ARID2: variants seen among roughly 807,000 people sequenced by gnomAD.
ARID2 encodes AT-rich interactive domain-containing protein 2.
A neutral mutation model predicts 184.6 loss-of-function variants in ARID2; 32 were observed. The ratio of observed to expected loss-of-function variants is 0.17; its 90% CI spans 0.13 to 0.23. The LOEUF (loss-of-function observed/expected upper bound fraction) is 0.23, where lower values mean the gene tolerates loss of function less well. Ranked by LOEUF, ARID2 falls within the 10% of genes least tolerant of loss-of-function variation. The probability of loss-of-function intolerance (pLI) is 1.00; values close to 1 mark genes in which losing one functional copy is unlikely to be tolerated. For synonymous variants in ARID2, 836 were observed against 772.6 expected, an observed-to-expected ratio of 1.08 and a Z score of -1.36; for missense variants, 1,696 against 2,197.6, an observed-to-expected ratio of 0.77 and a Z score of 4.56.
chr12:45,847,866 A>C (rs2138152336), intron 12 of ARID2, among the ~76,000 whole-genome samples: 1 of 152,080 alleles, frequency 6.6e-6, no homozygotes, highest in East Asian at 1.9e-4. Context: ...GGCCCCTTAC[A>C]CTTGAATCTT....
At chr12:45,828,813 T>G (rs1240873901) in intron 6 of ARID2, among the ~76,000 whole-genome samples, 2 of 151,546 alleles carry the variant, frequency 1.3e-5, no homozygotes, top group African/African-American at 2.4e-5. Flanking sequence ...TTGTAAGAGT[T>G]TTTTTTCTAT....
Position 45,799,118 on chromosome 12 carries a change from T to G in ARID2, c.285-12300T>G, listed in dbSNP as rs558770306. ...TTTTTAAAAAAGTATTTTATTATTCTTATTGTTTGTCTCTCCCCATGAGAC... is the reference window on the plus strand; with the variant it reads ...TTTTTAAAAAAGTATTTTATTATTCGTATTGTTTGTCTCTCCCCATGAGAC... On this transcript the variant is annotated intron_variant, in intron 3 of 20. Transcript: ENST00000334344. Among the ~76,000 whole-genome samples, 6 of 152,228 alleles carry G rather than the reference T, an allele frequency of 3.9e-5. No homozygotes were observed. In the East Asian group the frequency reaches 9.6e-4, roughly 24 times the overall value.
At chr12:45,849,540 A>AT (rs1275122030) in intron 13 of ARID2, 40 bp from the exon 14 acceptor site, 1 of 1,505,568 alleles carries the variant, frequency 6.6e-7, no homozygotes, top group African/African-American at 1.4e-5. Flanking sequence ...AGTCAATGTG[A>AT]TAGTTATCAA....
rs2138160708 is a variant in ARID2 at position 45,850,305 on chromosome 12, G to A, written c.2182G>A (p.Val728Ile). The A allele has an allele frequency of 1.2e-6, 2 of 1,614,108 alleles. No individual in the cohort carries two copies. Among genetic ancestry groups the A allele is most frequent in the Non-Finnish European group, 1.7e-6 (2 of 1,179,994 alleles). Reference sequence around the variant, plus strand: ...CCAGAATTCCATACCCCAGACAGGAGTTCCTGTTAGTATTGCTGTTGGAGG... The same window carrying A: ...CCAGAATTCCATACCCCAGACAGGAATTCCTGTTAGTATTGCTGTTGGAGG... Reference protein sequence around the residue: ...VIQNSIPQTGVPVSIAVGGGP... With the variant: ...VIQNSIPQTGIPVSIAVGGGP... Residue 728 changes from valine to isoleucine, a missense_variant, in exon 15 of 21, where the codon GTT becomes ATT. Transcript: ENST00000334344.
At chr12:45,839,003 C>CTTG (rs1943278779) in intron 10 of ARID2, among the ~76,000 whole-genome samples, 1 of 151,050 alleles carries the variant, frequency 6.6e-6, no homozygotes, top group Admixed American at 6.6e-5. Context: ...GTAGCTGGGA[C>CTTG]TACAGGCACC....
chr12:45,761,512 C>T (rs1941678164), intron 3 of ARID2, among the ~76,000 whole-genome samples: 1 of 152,066 alleles, frequency 6.6e-6, no homozygotes, highest in South Asian at 2.1e-4. Flanking sequence ...ATTTGTTTTT[C>T]TACCTCAATA....
At chr12:45,855,846 C>G (rs1943637702) in intron 15 of ARID2, among the ~76,000 whole-genome samples, 3 of 151,776 alleles carry the variant, frequency 2.0e-5, no homozygotes, top group Admixed American at 1.3e-4. Flanking sequence ...CCTCCCAAGA[C>G]TGTAGCTGGG....
intron 3 of ARID2, among the ~76,000 whole-genome samples, chr12:45,749,747 G>A (rs1437363141): frequency 6.6e-6 from 1 of 152,210 alleles, no homozygotes; most frequent in Admixed American, 6.5e-5. Context: ...TTTATGTTAT[G>A]AAGATAACGT....
At chr12:45,879,812 A>G (rs1485284816) in intron 16 of ARID2, among the ~76,000 whole-genome samples, 4 of 152,238 alleles carry the variant, frequency 2.6e-5, no homozygotes, top group Non-Finnish European at 4.4e-5. Flanking sequence ...CTTGAAATGT[A>G]TAAATAATGT....
chr12:45,758,923 C>T (rs1478194048), intron 3 of ARID2, among the ~76,000 whole-genome samples: 1 of 152,094 alleles, frequency 6.6e-6, no homozygotes, highest in African/African-American at 2.4e-5. Flanking sequence ...AAAAATTGAT[C>T]ATGTAGTAAG....
chr12:45,878,285 C>G (rs755032428), intron 16 of ARID2, among the ~76,000 whole-genome samples: 2 of 152,104 alleles, frequency 1.3e-5, no homozygotes, highest in Admixed American at 1.3e-4. Flanking sequence ...TTGGAAAATT[C>G]TCACTTCGTT....
intron 3 of ARID2, chr12:45,789,242 T>C (rs759968440): frequency 3.3e-5 from 5 of 151,978 alleles, no homozygotes; most frequent in Non-Finnish European, 7.4e-5. Context: ...CCCTTGGGAG[T>C]AGTTGTGCAA....
chr12:45,833,929 T>C (rs1943167394), intron 6 of ARID2, among the ~76,000 whole-genome samples: 2 of 152,212 alleles, frequency 1.3e-5, no homozygotes, highest in African/African-American at 4.8e-5. Context: ...TCTTCCCTTA[T>C]TGAAAATTTG....
chr12:45,752,958 G>GT (rs1941492764), intron 3 of ARID2, among the ~76,000 whole-genome samples: 1 of 152,206 alleles, frequency 6.6e-6, no homozygotes, highest in Non-Finnish European at 1.5e-5. Flanking sequence ...TATTAAATTT[G>GT]TTCATTAAAA....
At chr12:45,899,946 C>T (rs1479745788) in intron 20 of ARID2, among the ~76,000 whole-genome samples, 1 of 151,954 alleles carries the variant, frequency 6.6e-6, no homozygotes, top group Non-Finnish European at 1.5e-5. Context: ...TCCCACTTTA[C>T]TTTTACCTCA....
At chr12:45,870,389 TATTG>T (rs1555157995) in intron 16 of ARID2, among the ~76,000 whole-genome samples, 1 of 152,226 alleles carries the variant, frequency 6.6e-6, no homozygotes, top group Non-Finnish European at 1.5e-5. Flanking sequence ...TTTCCACTAT[TATTG>T]ACACCTTGCA....
chr12:45,867,730 G>A (rs1312047459), intron 16 of ARID2, among the ~76,000 whole-genome samples: 1 of 148,324 alleles, frequency 6.7e-6, no homozygotes, highest in Admixed American at 6.7e-5. Context: ...GCAACAGAAC[G>A]AGACTCCATC....
chr12:45,899,739 TTTTATATA>T (rs1944430549), intron 20 of ARID2, among the ~76,000 whole-genome samples: 1 of 136,838 alleles, frequency 7.3e-6, no homozygotes, highest in African/African-American at 2.6e-5. Flanking sequence ...ATATATATGG[TTTTATATA>T]TATATATATA....
chr12:45,836,665 T>G lies in ARID2; in HGVS notation c.772+10T>G. The G allele has an allele frequency of 6.2e-7, 1 of 1,604,504 alleles. No homozygotes were observed. The highest frequency in any genetic ancestry group is 8.5e-7 in the Non-Finnish European group (1 of 1,176,882). ...AGAAACAAGTCTCATGGTAAGTTAG[T>G]GAAAGCAAAATTTTTCAAAACCTTT... On this transcript the variant is annotated intron_variant, in intron 7 of 20. Transcript: ENST00000334344.
Sources: allele counts gnomAD v4.1 joint callset (sites outside exome capture counted in the v4.1 genomes callset), GRCh38; gene constraint gnomAD v4.1.1; transcripts MANE v1.5; gene names NCBI Gene and HGNC (gene_info 2026-07-23, HGNC 2026-07-21).